The following TRIO variants were observed in gnomAD, a reference collection of about 807,000 sequenced individuals.
TRIO encodes the protein triple functional domain protein.
In TRIO, 58 loss-of-function variants were observed where a neutral mutation model predicts 351.9. The ratio of observed to expected loss-of-function variants is 0.16; its 90% CI spans 0.13 to 0.21. The LOEUF is 0.21. TRIO is among the 10% of genes least tolerant of loss of function. The pLI, the probability that TRIO is intolerant of heterozygous loss-of-function variation, is 1.00. For missense variants in TRIO, 3,201 were observed against 4,027.8 expected, an observed-to-expected ratio of 0.79 and a Z score of 5.56; for synonymous variants, 1,758 against 1,595.7, an observed-to-expected ratio of 1.10 and a Z score of -2.42.
chr5:14,455,127 G>A (rs977417713), intron 34 of TRIO, among the ~76,000 whole-genome samples: 7 of 152,194 alleles, frequency 4.6e-5, no homozygotes, highest in East Asian at 1.9e-4. Context: ...GTAGCAGCAA[G>A]ATTTATTGCA....
At chr5:14,310,152 C>T (rs763928194) in intron 8 of TRIO, among the ~76,000 whole-genome samples, 10 of 152,214 alleles carry the variant, frequency 6.6e-5, no homozygotes, top group Non-Finnish European at 2.9e-5. Context: ...GTGTAAACGT[C>T]GGAGATAAGT....
intron 1 of TRIO, among the ~76,000 whole-genome samples, chr5:14,235,798 G>C (rs1055610024): frequency 5.3e-5 from 8 of 151,916 alleles, no homozygotes; most frequent in African/African-American, 1.9e-4. Flanking sequence ...TGGTTTCACT[G>C]ATAAAACTGT....
chr5:14,206,912 C>T (rs374080153), intron 1 of TRIO, among the ~76,000 whole-genome samples: 3 of 152,174 alleles, frequency 2.0e-5, no homozygotes, highest in Admixed American at 1.3e-4. Flanking sequence ...GTTTAAAAGG[C>T]GTCATTTTGC....
Position 14,477,668 on chromosome 5 carries a change from A to G in TRIO, c.6153+705A>G, listed in dbSNP as rs143447588. 3.7e-3 allele frequency among the ~76,000 whole-genome samples: 564 copies of G among 152,304 alleles called. 2 individuals are homozygous for G. Among genetic ancestry groups the G allele is most frequent in the African/African-American group, 0.013 (537 of 41,564 alleles). ...CAATACGGAATCTGAAAACCTACCC[A>G]TGAACTTCTCCCTTGCTGTGACATT... On this transcript the variant is annotated intron_variant, in intron 41 of 56. Coordinates refer to ENST00000344204, the MANE Select transcript of TRIO (RefSeq NM_007118.4).
chr5:14,503,617 G>A (rs541704929), intron 54 of TRIO, among the ~76,000 whole-genome samples: 17 of 152,328 alleles, frequency 1.1e-4, no homozygotes, highest in African/African-American at 2.6e-4. Context: ...GAGCAGGAGC[G>A]TCAAGGCCTC....
In TRIO at chr5:14,390,683, T is replaced by A. The variant is rs30798; in HGVS notation, c.4129-218T>A. Among the ~76,000 whole-genome samples the A allele has an allele frequency of 0.42, 63,850 of 152,040 alleles. 15,205 individuals carry two copies. The highest frequency in any genetic ancestry group is 0.65 in the African/African-American group (26,984 of 41,460). ...ACGCGTGACTGTGGAAAGAGAGGAC[T>A]GGTGCTCAGCCCGACGTGTCGGGGT... On this transcript the variant is annotated intron_variant, in intron 26 of 56. Transcript: ENST00000344204.
At position 14,225,249 on chromosome 5, in the gene TRIO, C is replaced by T. The variant is rs200508433; in HGVS notation, c.158-45576C>T. The stretch of plus-strand genomic sequence containing the variant: ...AGGAGGGAGGAGATTTGGTATACTT[C>T]TGAGAAAAAAAGTAAAAAGCAGGTG... On this transcript the variant is annotated intron_variant, in intron 1 of 56. Transcript: ENST00000344204. Among the ~76,000 whole-genome samples, 3 of 152,170 alleles carry T rather than the reference C, an allele frequency of 2.0e-5. No homozygotes were observed. The East Asian group carries it at 5.8e-4, about 29-fold the overall frequency.
intron 8 of TRIO, among the ~76,000 whole-genome samples, chr5:14,309,721 A>T (rs1738742268): frequency 6.6e-6 from 1 of 152,158 alleles, no homozygotes; most frequent in Non-Finnish European, 1.5e-5. Context: ...ACAGATACGG[A>T]GCCCCTGCTA....
chr5:14,164,566 T>C (rs1010938591), intron 1 of TRIO, among the ~76,000 whole-genome samples: 25 of 152,340 alleles, frequency 1.6e-4, no homozygotes, highest in African/African-American at 5.8e-4. Flanking sequence ...TGTGCCACGC[T>C]CAGGATCTTG....
intron 49 of TRIO, among the ~76,000 whole-genome samples, chr5:14,496,247 T>G (rs1251505798): frequency 2.0e-5 from 3 of 152,234 alleles, no homozygotes; most frequent in African/African-American, 4.8e-5. Flanking sequence ...CACTTTGTTG[T>G]GGTAGTCTGG....
intron 9 of TRIO, among the ~76,000 whole-genome samples, chr5:14,325,848 C>G (rs997599853): frequency 6.6e-6 from 1 of 152,186 alleles, no homozygotes; most frequent in African/African-American, 2.4e-5. Context: ...GAAGCATTAC[C>G]TGTGGCCAGT....
chr5:14,187,347 T>C (rs1790184542), intron 1 of TRIO, among the ~76,000 whole-genome samples: 1 of 152,202 alleles, frequency 6.6e-6, no homozygotes, highest in Non-Finnish European at 1.5e-5. Context: ...TTTTGTTGTT[T>C]TGTTTTGTGT....
At chr5:14,493,517 C>T (rs575890086) in intron 49 of TRIO, among the ~76,000 whole-genome samples, 60 of 152,180 alleles carry the variant, frequency 3.9e-4, no homozygotes, top group Admixed American at 1.8e-3. Context: ...ATGAACTGCA[C>T]ACATACAAGA....
Position 14,168,565 on chromosome 5 carries a change from C to T in TRIO, c.157+24683C>T, listed in dbSNP as rs548999501. On this transcript the variant is annotated intron_variant, in intron 1 of 56. Coordinates refer to ENST00000344204, the MANE Select transcript of TRIO (RefSeq NM_007118.4). The stretch of plus-strand genomic sequence containing the variant: ...TTATTGTTTGTCTGCAGCAGAATGA[C>T]TTGTATGGCTCTGGGTGCTGTTTTC... Among the ~76,000 whole-genome samples the T allele has an allele frequency of 2.6e-5, 4 of 152,314 alleles. No individual in the cohort carries two copies. In the South Asian group the frequency reaches 8.3e-4, roughly 32 times the overall value.
At chr5:14,388,462 G>T (rs1254545185) in intron 23 of TRIO, 151 bp from the exon 24 acceptor site, 6 of 723,936 alleles carry the variant, frequency 8.3e-6, no homozygotes, top group Admixed American at 2.7e-5. Context: ...TTAGCGGGTG[G>T]ATACTGTTCT....
Position 14,465,586 on chromosome 5 carries a change from A to G in TRIO, c.5709A>G (p.Thr1903=), listed in dbSNP as rs758842710. 3 of 1,613,756 alleles carry G rather than the reference A, an allele frequency of 1.9e-6. No individual in the cohort carries two copies. Among genetic ancestry groups the G allele is most frequent in the South Asian group, 2.2e-5 (2 of 91,026 alleles). The change falls in exon 37 of 57, where the codon ACA becomes ACG. Residue 1903 remains threonine (T), a synonymous_variant. Transcript: ENST00000344204. ...RLLVRPTSSE[T]PSAAELVSAI... ...TAGTCCGCCCCACCAGCTCCGAAAC[A>G]CCGAGTGCAGCCGAGCTCGTCAGTG...
rs548499515 is a variant in TRIO, at chr5:14,374,202, AAC to A, written c.3217-23_3217-22del. 1.1e-4 allele frequency: 179 copies of A among 1,592,472 alleles called. No individual in the cohort carries two copies. The African/African-American group carries it at 2.1e-3, about 19-fold the overall frequency. ...ACACGTTTGTAGAAGTCAAATTAGC[AAC>A]ACATTGCTCTCCATTGTTTTTTAGG... is the stretch of plus-strand genomic sequence containing the variant. On this transcript the variant is annotated intron_variant, in intron 18 of 56. Transcript: ENST00000344204.
intron 8 of TRIO, among the ~76,000 whole-genome samples, chr5:14,306,402 T>C (rs780815412): frequency 1.3e-5 from 2 of 152,258 alleles, no homozygotes; most frequent in Non-Finnish European, 2.9e-5. Context: ...TTTAATCACA[T>C]TGGCTCATGA....
chr5:14,309,174 G>A (rs1167036011), intron 8 of TRIO, among the ~76,000 whole-genome samples: 1 of 148,110 alleles, frequency 6.8e-6, no homozygotes, highest in African/African-American at 2.5e-5. Context: ...AAATACATGT[G>A]TTTGTGCATT....
Sources: allele counts gnomAD v4.1 joint callset (sites outside exome capture counted in the v4.1 genomes callset), GRCh38; gene constraint gnomAD v4.1.1; transcripts MANE v1.5; gene names NCBI Gene and HGNC (gene_info 2026-07-23, HGNC 2026-07-21).